The following BRWD1 variants were observed in gnomAD, a reference collection of about 807,000 sequenced individuals.
The protein encoded by BRWD1 is bromodomain and WD repeat domain containing 1, also known as bromodomain and WD repeat-containing protein 1.
In BRWD1, 82 loss-of-function variants were observed where a neutral mutation model predicts 251.2. That is an observed-to-expected ratio of 0.33 (90% CI 0.27 to 0.39). The LOEUF (loss-of-function observed/expected upper bound fraction) is 0.39. BRWD1 is among the 10% of genes least tolerant of loss of function. The probability of loss-of-function intolerance (pLI) is 1.00; values close to 1 mark genes in which losing one functional copy is unlikely to be tolerated. For synonymous variants in BRWD1, 918 were observed against 902.8 expected (o/e 1.02, Z -0.30); for missense variants, 2,233 against 2,711.6 (o/e 0.82, Z 3.92).
At chr21:39,232,141 A>G in intron 25 of BRWD1, 36 bp downstream of exon 25, 3 of 1,463,886 alleles carry the variant, frequency 2.0e-6, no homozygotes, top group Non-Finnish European at 9.5e-7. Context: ...TGTATGTGCT[A>G]AAATGTTTAA....
At chr21:39,299,482 AAT>A in intron 4 of BRWD1, among the ~76,000 whole-genome samples, 1 of 152,172 alleles carries the variant, frequency 6.6e-6, no homozygotes, top group Non-Finnish European at 1.5e-5. Flanking sequence ...ACTATAGACA[AAT>A]ATATGTCTGT....
In BRWD1 at chr21:39,229,452, T is replaced by A; in HGVS notation, c.3001-16A>T. The A allele has an allele frequency of 6.3e-7, 1 of 1,587,272 alleles. No homozygotes were observed. The highest frequency in any genetic ancestry group is 1.1e-5 in the South Asian group (1 of 89,722). ...ATTCTTGATCCTTTAACAGACATAT[T>A]TTTTAATGGTTAAAATAAAAGCAAT... On this transcript the variant is annotated splice_polypyrimidine_tract_variant and intron_variant, in intron 25 of 40. Coordinates refer to ENST00000342449, the MANE Select transcript of BRWD1 (RefSeq NM_033656.4).
chr21:39,236,180 G>A (rs56306759), intron 23 of BRWD1, among the ~76,000 whole-genome samples: 45,559 of 151,946 alleles, frequency 0.3, 7,314 homozygotes, highest in Middle Eastern at 0.35. Flanking sequence ...AGTCTCTCGC[G>A]GGGAGACCAG....
chr21:39,249,730 T>C (rs954594754), intron 20 of BRWD1, among the ~76,000 whole-genome samples: 2 of 152,198 alleles, frequency 1.3e-5, no homozygotes, highest in African/African-American at 2.4e-5. Context: ...AGTACTGATT[T>C]TGGCAAAAAC....
chr21:39,310,400 A>C (rs937038499), intron 4 of BRWD1, among the ~76,000 whole-genome samples: 1 of 152,172 alleles, frequency 6.6e-6, no homozygotes, highest in Admixed American at 6.5e-5. Context: ...GCACTTTGGG[A>C]CACAGAGGCA....
Position 39,232,890 on chromosome 21 carries a change from T to C in BRWD1, c.2767-392A>G, listed in dbSNP as rs182851117. ...TCTTGATTTTAGGTTGTAAGACCGG[T>C]GATTTCAAAATATGCCTACAAATTC... On this transcript the variant is annotated intron_variant, in intron 23 of 40. Coordinates refer to ENST00000342449, the MANE Select transcript of BRWD1 (RefSeq NM_033656.4). Among the ~76,000 whole-genome samples the C allele has an allele frequency of 3.3e-5, 5 of 152,310 alleles. No homozygotes were observed. In the East Asian group the frequency reaches 9.7e-4, roughly 29 times the overall value.
At chr21:39,215,990 AC>A (rs1408473347) in intron 31 of BRWD1, among the ~76,000 whole-genome samples, 1 of 20,038 alleles carries the variant, frequency 5.0e-5, no homozygotes, top group Non-Finnish European at 1.1e-4. Context: ...ACAGAGCAAG[AC>A]TCTCTCAAAA....
At chr21:39,297,907 T>C in intron 5 of BRWD1, 2 of 984,708 alleles carry the variant, frequency 2.0e-6, no homozygotes, top group Non-Finnish European at 1.2e-6. Context: ...AGAATAGCAA[T>C]TTCAAACATT....
intron 28 of BRWD1, among the ~76,000 whole-genome samples, chr21:39,224,828 T>C (rs768858987): frequency 3.9e-5 from 6 of 152,024 alleles, no homozygotes; most frequent in Non-Finnish European, 8.8e-5. Flanking sequence ...ACTAGGACAC[T>C]GACAATACGA....
intron 37 of BRWD1, among the ~76,000 whole-genome samples, chr21:39,203,434 G>GTTTTTTTTTTT (rs2032210759): frequency 1.9e-4 from 12 of 64,284 alleles, no homozygotes; most frequent in Non-Finnish European, 4.1e-4. Context: ...GCAAGACCCT[G>GTTTTTTTTTTT]GTTCTTTTTT....
chr21:39,250,263 T>C (rs958817875), intron 20 of BRWD1, among the ~76,000 whole-genome samples: 4 of 152,042 alleles, frequency 2.6e-5, no homozygotes, highest in African/African-American at 7.2e-5. Flanking sequence ...CAGAAGTCAA[T>C]GTAAATCGTC....
At chr21:39,310,637 A>G (rs943865928) in intron 4 of BRWD1, among the ~76,000 whole-genome samples, 2 of 152,114 alleles carry the variant, frequency 1.3e-5, no homozygotes, top group African/African-American at 2.4e-5. Context: ...AAATTTGATG[A>G]TATACAGCGG....
chr21:39,282,050 G>GTA (rs528995083), intron 8 of BRWD1, among the ~76,000 whole-genome samples: 6 of 151,464 alleles, frequency 4.0e-5, no homozygotes, highest in African/African-American at 1.2e-4. Context: ...ATGTACATAT[G>GTA]TATATATACA....
At chr21:39,202,123 T>C (rs1411405809) in intron 38 of BRWD1, among the ~76,000 whole-genome samples, 1 of 152,256 alleles carries the variant, frequency 6.6e-6, no homozygotes, top group African/African-American at 2.4e-5. Flanking sequence ...CAATTCAATA[T>C]AAATGTACCA....
chr21:39,280,095 A>C, intron 9 of BRWD1, 53 bp downstream of exon 9: 1 of 1,291,150 alleles, frequency 7.7e-7, no homozygotes, highest in South Asian at 1.4e-5. Context: ...TCATTAGATT[A>C]AACTGTAACT....
rs76210798 is a variant in BRWD1, at chr21:39,231,211, G to A, written c.3000+966C>T. Among the ~76,000 whole-genome samples the A allele has an allele frequency of 8.7e-4, 132 of 152,264 alleles. 1 individual carries two copies. The highest frequency in any genetic ancestry group is 2.7e-3 in the African/African-American group (114 of 41,548). On this transcript the variant is annotated intron_variant, in intron 25 of 40. Coordinates refer to ENST00000342449, the MANE Select transcript of BRWD1 (RefSeq NM_033656.4). The stretch of plus-strand genomic sequence containing the variant: ...AAATATAAAAAATAAAAAAACACGT[G>A]TACTACTACCCCACAGATCATCACC...
chr21:39,320,697 A>T lies in BRWD1; in HGVS notation n.534+329T>A, dbSNP rs776115733. 2.0e-3 allele frequency among the ~76,000 whole-genome samples: 271 copies of T among 135,264 alleles called. 1 individual carries two copies. Among genetic ancestry groups the T allele is most frequent in the Non-Finnish European group, 3.5e-3 (228 of 64,916 alleles). 88.7% of individuals were successfully genotyped at this position (135,264 alleles called of 152,430 possible). A position where few individuals can be genotyped will look rare whatever the true frequency, so the allele number is the denominator to read the frequency against. ...TTTTTTTTTTTTTTTTTGAGACAGA[A>T]TCTTGCTCTCTTGCCCAGGCTGGAG... is the stretch of plus-strand genomic sequence containing the variant. On this transcript the variant is annotated intron_variant and non_coding_transcript_variant, in intron 1 of 4. Coordinates refer to the BRWD1 transcript ENST00000470108.
chr21:39,196,086 G>T lies in BRWD1; in HGVS notation c.*173C>A. ...CACCTGTGCTGAATGCTGCTACAAA[G>T]ACCAGCAAGTGCAAATAAAAATAAC... On this transcript the variant is annotated 3_prime_UTR_variant, in exon 41 of 41. Coordinates refer to ENST00000342449, the MANE Select transcript of BRWD1 (RefSeq NM_033656.4). 7.3e-7 allele frequency: 1 copy of T among 1,372,956 alleles called. No individual in the cohort carries two copies. The highest frequency in any genetic ancestry group is 9.4e-7 in the Non-Finnish European group (1 of 1,068,364). The allele number at this position is 1,372,956 out of a possible 1,614,324, so 85.0% of individuals were successfully genotyped here. A position where few individuals can be genotyped will look rare whatever the true frequency, so the allele number is the denominator to read the frequency against.
chr21:39,296,903 T>C, intron 5 of BRWD1: 1 of 984,358 alleles, frequency 1.0e-6, no homozygotes, highest in Non-Finnish European at 1.2e-6. Flanking sequence ...TTCTTTGATT[T>C]ATATGAAAAT....
Sources: gnomAD v4.1 joint callset for allele counts (sites outside exome capture counted in the v4.1 genomes callset) on GRCh38, gnomAD v4.1.1 for gene constraint, MANE v1.5 for transcripts, NCBI Gene and HGNC (gene_info 2026-07-23, HGNC 2026-07-21) for gene names.